PARP15: variants seen among roughly 807,000 people sequenced by gnomAD.
The protein encoded by PARP15 is poly(ADP-ribose) polymerase family member 15, also known as protein mono-ADP-ribosyltransferase PARP15.
Under a neutral mutation model 62.1 loss-of-function variants are expected in PARP15, and 50 were observed. That is an observed-to-expected ratio of 0.81 (90% confidence interval 0.64 to 1.02). The LOEUF is 1.02. Ranked by LOEUF, PARP15 falls within the 50% of genes least tolerant of loss-of-function variation. PARP15 has a pLI of 0.00. For synonymous variants in PARP15, 309 were observed against 293.1 expected (o/e 1.05, Z -0.55); for missense variants, 820 against 826.5 (o/e 0.99, Z 0.10).
chr3:122,607,031 G>A (rs920612446), intron 2 of PARP15, among the ~76,000 whole-genome samples: 1 of 152,202 alleles, frequency 6.6e-6, no homozygotes, highest in African/African-American at 2.4e-5. Flanking sequence ...CCTCTGTCAC[G>A]TGGGTTCAGG....
At chr3:122,623,825 C>T (rs1936505638) in intron 8 of PARP15, among the ~76,000 whole-genome samples, 2 of 152,264 alleles carry the variant, frequency 1.3e-5, no homozygotes, top group South Asian at 4.1e-4. Context: ...GTTCTCTTCC[C>T]CATTGATTTC....
chr3:122,616,329 T>G (rs1935967558), intron 5 of PARP15, among the ~76,000 whole-genome samples: 1 of 141,256 alleles, frequency 7.1e-6, no homozygotes, highest in Non-Finnish European at 1.5e-5. Context: ...TGAGCAGTCT[T>G]TTTTTTTTTT....
At chr3:122,602,901 C>T (rs74832085) in intron 1 of PARP15, among the ~76,000 whole-genome samples, 1 of 152,166 alleles carries the variant, frequency 6.6e-6, no homozygotes, top group Non-Finnish European at 1.5e-5. Flanking sequence ...CTTTCACTGA[C>T]CTGTTGACAG....
At chr3:122,624,676 G>A (rs542948758) in intron 8 of PARP15, among the ~76,000 whole-genome samples, 4 of 152,152 alleles carry the variant, frequency 2.6e-5, no homozygotes, top group African/African-American at 7.2e-5. Flanking sequence ...CCACTTTGAC[G>A]TCTCATACTT....
chr3:122,619,562 G>T (rs1936203596), intron 6 of PARP15, among the ~76,000 whole-genome samples: 1 of 152,106 alleles, frequency 6.6e-6, no homozygotes, highest in Admixed American at 6.5e-5. Context: ...AGTTGCAGAC[G>T]CCAGCCTTTC....
At chr3:122,613,512 G>C (rs921280453) in intron 4 of PARP15, among the ~76,000 whole-genome samples, 5 of 152,172 alleles carry the variant, frequency 3.3e-5, no homozygotes, top group Admixed American at 1.3e-4. Flanking sequence ...AAAGTTATTG[G>C]CATAAAAATG....
At chr3:122,618,783 G>A (rs1461680166) in intron 6 of PARP15, among the ~76,000 whole-genome samples, 2 of 152,254 alleles carry the variant, frequency 1.3e-5, no homozygotes, top group East Asian at 1.9e-4. Flanking sequence ...CGAGTGCCCA[G>A]CCCCTCTCCT....
intron 1 of PARP15, 116 bp downstream of exon 1, chr3:122,577,969 C>G: frequency 8.8e-7 from 1 of 1,139,026 alleles, no homozygotes; most frequent in Non-Finnish European, 1.2e-6. Flanking sequence ...ACCCTCTCTT[C>G]TAGGGGGCGC....
chr3:122,624,238 A>G (rs1412543690), intron 8 of PARP15, among the ~76,000 whole-genome samples: 2 of 152,220 alleles, frequency 1.3e-5, no homozygotes, highest in Non-Finnish European at 2.9e-5. Flanking sequence ...AAGTAGCTGG[A>G]ATAGCTACAT....
intron 11 of PARP15, 94 bp from the exon 12 acceptor site, chr3:122,635,717 C>A: frequency 7.1e-7 from 1 of 1,409,480 alleles, no homozygotes; most frequent in Non-Finnish European, 9.6e-7. Context: ...CTGGCTAAAA[C>A]TGCATTTAGA....
chr3:122,578,050 GGTT>G (rs1559912684), intron 1 of PARP15, among the ~76,000 whole-genome samples, 197 bp downstream of exon 1: 69 of 120,212 alleles, frequency 5.7e-4, no homozygotes, highest in Admixed American at 2.4e-3. Flanking sequence ...CATTTCTGGT[GGTT>G]TTTTTTTTTT....
In PARP15 at chr3:122,610,512, A is replaced by G. The variant is rs982782469; in HGVS notation, c.325A>G (p.Ser109Gly). 5.8e-6 allele frequency: 9 copies of G among 1,551,568 alleles called. No individual in the cohort carries two copies. The highest frequency in any genetic ancestry group is 2.0e-5 in the Admixed American group (1 of 50,934). Reference sequence around the variant, plus strand: ...CGTTAAGGCCGATGTCATTGTCAACAGCGTTCCCATGAATCTTCAGCTTGG... The same window carrying G: ...CGTTAAGGCCGATGTCATTGTCAACGGCGTTCCCATGAATCTTCAGCTTGG... ...LYIWADVIVN[S>G]VPMNLQLGGG... Residue 109 changes from serine (S) to glycine (G), a missense_variant, in exon 3 of 12, where the codon AGC becomes GGC. Around this residue, in one of 3 missense-constraint regions of PARP15, gnomAD observed 731 missense variants for 727.7 expected, o/e 1.00. Coordinates refer to ENST00000464300, the MANE Select transcript of PARP15 (RefSeq NM_001113523.3).
chr3:122,579,259 T>C (rs2080749532), intron 1 of PARP15, among the ~76,000 whole-genome samples: 1 of 152,224 alleles, frequency 6.6e-6, no homozygotes, highest in Non-Finnish European at 1.5e-5. Context: ...TTTTCTTTTT[T>C]CTCAATATTA....
chr3:122,622,571 T>A lies in PARP15; in HGVS notation c.1231+960T>A, dbSNP rs540891507. On this transcript the variant is annotated intron_variant, in intron 8 of 11. Transcript: ENST00000464300. The stretch of plus-strand genomic sequence containing the variant: ...ACTTCAGCATCTCCCAGCCGGCTCC[T>A]CATTTGTGCATTCATTCATTGAATT... 1.1e-4 allele frequency among the ~76,000 whole-genome samples: 16 copies of A among 152,328 alleles called. No individual in the cohort carries two copies. In the East Asian group the frequency reaches 2.9e-3, roughly 28 times the overall value.
At chr3:122,613,300 G>A (rs368768286) in intron 4 of PARP15, 32 bp downstream of exon 4, 77 of 1,489,692 alleles carry the variant, frequency 5.2e-5, no homozygotes, top group Middle Eastern at 1.7e-4. Context: ...GGTTAATTCT[G>A]GCAAGTGAAC....
In PARP15 at chr3:122,613,072, C is replaced by G. The variant is rs1365041265; in HGVS notation, c.575C>G (p.Thr192Arg). The G allele has an allele frequency of 6.4e-7, 1 of 1,551,712 alleles. No individual in the cohort carries two copies. Among genetic ancestry groups the G allele is most frequent in the Non-Finnish European group, 8.7e-7 (1 of 1,146,936 alleles). The change falls in exon 4 of 12, where the codon ACA becomes AGA. Residue 192 changes from threonine (T) to arginine (R), a missense_variant. Thr to Arg is a moderately conservative substitution (Grantham distance 71). Around this residue, in one of 3 missense-constraint regions of PARP15, gnomAD observed 731 missense variants for 727.7 expected, o/e 1.00. Coordinates refer to ENST00000464300, the MANE Select transcript of PARP15 (RefSeq NM_001113523.3). ...GCAAATATAATCAAGAAATGTTTGACAACTGTAGAAGTGCTATCTTTCTCA... is the reference window on the plus strand; with the variant it reads ...GCAAATATAATCAAGAAATGTTTGAGAACTGTAGAAGTGCTATCTTTCTCA... ...IMANIIKKCL[T>R]TVEVLSFSSI...
At chr3:122,626,562 G>C (rs1936742871) in intron 8 of PARP15, among the ~76,000 whole-genome samples, 1 of 152,092 alleles carries the variant, frequency 6.6e-6, no homozygotes, top group Non-Finnish European at 1.5e-5. Flanking sequence ...ATTTGGGCAG[G>C]GTTTATGTTT....
intron 1 of PARP15, among the ~76,000 whole-genome samples, chr3:122,599,519 T>TTTTCC (rs1252029572): frequency 1.4e-5 from 1 of 70,088 alleles, no homozygotes; most frequent in African/African-American, 4.5e-5. Flanking sequence ...AATTTCTCTT[T>TTTTCC]TTTCTTTTCT....
At chr3:122,615,030 CAAA>C (rs11356111) in intron 4 of PARP15, 1,793 of 831,208 alleles carry the variant, frequency 2.2e-3, no homozygotes, top group Non-Finnish European at 2.3e-3. Context: ...ACTCTGTCTG[CAAA>C]AAAAAAAAAA....
Sources: allele counts gnomAD v4.1 joint callset (sites outside exome capture counted in the v4.1 genomes callset), GRCh38; gene constraint gnomAD v4.1.1; regional missense constraint gnomAD v4.1.1; transcripts MANE v1.5; gene names NCBI Gene and HGNC (gene_info 2026-07-23, HGNC 2026-07-21).